CPLX4: variants seen among roughly 807,000 people sequenced by gnomAD.
CPLX4 encodes the protein complexin 4, also known as complexin-4.
A neutral mutation model predicts 16.1 loss-of-function variants in CPLX4; 17 were observed. The observed-to-expected ratio is 1.06, with a 90% CI of 0.72 to 1.59. The LOEUF (loss-of-function observed/expected upper bound fraction) is 1.59. CPLX4 is among the 40% of genes most tolerant of loss of function. The probability of loss-of-function intolerance (pLI) is 0.00; values close to 1 mark genes in which losing one functional copy is unlikely to be tolerated. For synonymous variants in CPLX4, 55 were observed against 57.8 expected (o/e 0.95, Z 0.22); for missense variants, 193 against 192.9 (o/e 1.00, Z 0.00).
At position 59,312,711 on chromosome 18, in the gene CPLX4, G is replaced by C. The variant is rs777206954; in HGVS notation, c.229C>G (p.Leu77Val). ...KAERACLRVH[L>V]REKYRLPKSE... Reference sequence around the variant, plus strand: ...TTTGGGAGCCTGTATTTTTCTCTGAGATGAACTCTGAGGCATGCCCTTTCT... The same window carrying C: ...TTTGGGAGCCTGTATTTTTCTCTGACATGAACTCTGAGGCATGCCCTTTCT... The change falls in exon 2 of 3, where the codon CTC (leucine) becomes GTC (valine). Residue 77 changes from leucine (L) to valine (V), a missense_variant. Coordinates refer to ENST00000299721, the MANE Select transcript of CPLX4 (RefSeq NM_181654.4). 1 of 1,423,992 alleles carries C rather than the reference G, an allele frequency of 7.0e-7. No homozygotes were observed. Among genetic ancestry groups the C allele is most frequent in the Admixed American group, 1.7e-5 (1 of 59,682 alleles). 88.2% of individuals were successfully genotyped at this position (1,423,992 alleles called of 1,614,324 possible).
chr18:59,314,340 C>G (rs1302412226), intron 1 of CPLX4, among the ~76,000 whole-genome samples: 1 of 149,076 alleles, frequency 6.7e-6, no homozygotes, highest in Non-Finnish European at 1.5e-5. Context: ...CAATTGGCAT[C>G]TCACTGTACT....
At chr18:59,311,341 C>T (rs1189575897) in intron 2 of CPLX4, among the ~76,000 whole-genome samples, 1 of 152,048 alleles carries the variant, frequency 6.6e-6, no homozygotes, top group Admixed American at 6.5e-5. Context: ...GTTTTCCTTC[C>T]CTTATTAAGA....
chr18:59,313,318 C>T (rs2070630414), intron 1 of CPLX4, among the ~76,000 whole-genome samples: 1 of 152,158 alleles, frequency 6.6e-6, no homozygotes, highest in Admixed American at 6.6e-5. Flanking sequence ...GTTACTCTCT[C>T]CAGACCCCAA....
At chr18:59,301,316 A>G (rs2070539745) in intron 2 of CPLX4, among the ~76,000 whole-genome samples, 1 of 151,976 alleles carries the variant, frequency 6.6e-6, no homozygotes, top group Non-Finnish European at 1.5e-5. Context: ...TAGAAGAGAG[A>G]CCAAGAGAGC....
At chr18:59,304,205 A>T (rs1429008180) in intron 2 of CPLX4, among the ~76,000 whole-genome samples, 1 of 152,204 alleles carries the variant, frequency 6.6e-6, no homozygotes, top group Non-Finnish European at 1.5e-5. Flanking sequence ...CATATAGCTC[A>T]GCAGGGGTCA....
intron 1 of CPLX4, among the ~76,000 whole-genome samples, 177 bp downstream of exon 1, chr18:59,318,119 C>G (rs891058891): frequency 2.0e-5 from 3 of 152,072 alleles, no homozygotes; most frequent in African/African-American, 7.2e-5. Context: ...AACATAGTAG[C>G]TGCTGATGTT....
intron 2 of CPLX4, among the ~76,000 whole-genome samples, chr18:59,310,947 CGTGTGTGTGTGTGTGTGT>C (rs56041362): frequency 0.056 from 7,974 of 143,630 alleles, 280 homozygotes; most frequent in Non-Finnish European, 0.083. Context: ...CCCAGCCAAT[CGTGTGTGTGTGTGTGTGT>C]GTGTGTGTGT....
In CPLX4 at chr18:59,312,769, C is replaced by T. The variant is rs1189087740; in HGVS notation, c.171G>A (p.Met57Ile). ...EYQKQMIEEK[M>I]ERDAAFTQKK... ...TCTGTGTAAATGCAGCATCTCTTTC[C>T]ATCCTAAAAGTTAAAGAATAAAGGA... is the stretch of plus-strand genomic sequence containing the variant. The change falls in exon 2 of 3, where the codon ATG (methionine) becomes ATA (isoleucine). Residue 57 changes from methionine to isoleucine, a missense_variant. Coordinates refer to ENST00000299721, the MANE Select transcript of CPLX4 (RefSeq NM_181654.4). 7.7e-7 allele frequency: 1 copy of T among 1,302,636 alleles called. No individual in the cohort carries two copies. 80.7% of individuals were successfully genotyped at this position (1,302,636 alleles called of 1,614,324 possible). A position where few individuals can be genotyped will look rare whatever the true frequency, so the allele number is the denominator to read the frequency against.
chr18:59,307,753 A>ATTTTCTTT (rs2070586748), intron 2 of CPLX4, among the ~76,000 whole-genome samples: 1 of 130,930 alleles, frequency 7.6e-6, no homozygotes, highest in Admixed American at 8.2e-5. Context: ...TGTTTTTCTG[A>ATTTTCTTT]TTTTTTTTTT....
At chr18:59,301,700 C>T (rs1249898534) in intron 2 of CPLX4, among the ~76,000 whole-genome samples, 2 of 152,236 alleles carry the variant, frequency 1.3e-5, no homozygotes, top group African/African-American at 4.8e-5. Flanking sequence ...CAAGTATCTC[C>T]TTTGTAAAAA....
At chr18:59,312,266 A>C (rs1425669271) in intron 2 of CPLX4, among the ~76,000 whole-genome samples, 1 of 152,058 alleles carries the variant, frequency 6.6e-6, no homozygotes, top group Non-Finnish European at 1.5e-5. Context: ...TATAGGTATT[A>C]ACTCCAGTTT....
intron 2 of CPLX4, among the ~76,000 whole-genome samples, chr18:59,300,943 C>A (rs1293408735): frequency 6.6e-6 from 1 of 152,224 alleles, no homozygotes; most frequent in East Asian, 1.9e-4. Context: ...CCAGCCCTAG[C>A]TCCCCTTACC....
intron 2 of CPLX4, among the ~76,000 whole-genome samples, chr18:59,309,144 G>T (rs2070598671): frequency 6.6e-6 from 1 of 152,214 alleles, no homozygotes; most frequent in Non-Finnish European, 1.5e-5. Context: ...TATTTTTATA[G>T]CTAGCTACAC....
intron 2 of CPLX4, among the ~76,000 whole-genome samples, chr18:59,297,425 G>C (rs1307011425): frequency 6.6e-6 from 1 of 151,808 alleles, no homozygotes; most frequent in African/African-American, 2.4e-5. Flanking sequence ...TTACAGGTGT[G>C]CACCACCACA....
Position 59,296,556 on chromosome 18 carries a change from A to G in CPLX4, c.*142T>C, listed in dbSNP as rs2070501866. 9.2e-6 allele frequency: 8 copies of G among 872,482 alleles called. No individual in the cohort carries two copies. In the East Asian group the frequency reaches 1.9e-4, roughly 20 times the overall value. The allele number at this position is 872,482 out of a possible 1,614,324, so 54.0% of individuals were successfully genotyped here. ...TGCTCTGCCAGGAATATTTAGAACA[A>G]CCAAATTATTGTCTGTCAATGGATC... On this transcript the variant is annotated 3_prime_UTR_variant, in exon 3 of 3. Coordinates refer to ENST00000299721, the MANE Select transcript of CPLX4 (RefSeq NM_181654.4).
intron 2 of CPLX4, among the ~76,000 whole-genome samples, chr18:59,299,066 C>G (rs1403910667): frequency 6.6e-6 from 1 of 152,282 alleles, no homozygotes; most frequent in East Asian, 1.9e-4. Context: ...TGGCCAGGGC[C>G]TTGGGCCCTC....
intron 1 of CPLX4, among the ~76,000 whole-genome samples, chr18:59,313,541 C>T (rs970054296): frequency 1.3e-5 from 2 of 152,202 alleles, no homozygotes; most frequent in Non-Finnish European, 2.9e-5. Context: ...CACCACCACC[C>T]GTCCCTGCTG....
rs567743319 is a variant in CPLX4 at position 59,304,466 on chromosome 18, C to T, written c.256-7541G>A. Among the ~76,000 whole-genome samples, 4 of 152,294 alleles carry T rather than the reference C, an allele frequency of 2.6e-5. No homozygotes were observed. In the South Asian group the frequency reaches 8.3e-4, roughly 32 times the overall value. The stretch of plus-strand genomic sequence containing the variant: ...AACCTTTGTGTTTTATACAAAACTA[C>T]AATATCCAATCTGGACTAGTTATTT... On this transcript the variant is annotated intron_variant, in intron 2 of 2. Coordinates refer to ENST00000299721, the MANE Select transcript of CPLX4 (RefSeq NM_181654.4).
chr18:59,299,150 T>C (rs897732197), intron 2 of CPLX4, among the ~76,000 whole-genome samples: 5 of 152,234 alleles, frequency 3.3e-5, no homozygotes, highest in Non-Finnish European at 5.9e-5. Context: ...CCTTAGGGGC[T>C]CCCAGCCAAT....
Sources: gnomAD v4.1 joint callset for allele counts (sites outside exome capture counted in the v4.1 genomes callset) on GRCh38, gnomAD v4.1.1 for gene constraint, MANE v1.5 for transcripts, NCBI Gene and HGNC (gene_info 2026-07-23, HGNC 2026-07-21) for gene names.